The following CTNNA3 variants were observed in gnomAD, a reference collection of about 807,000 sequenced individuals.
The protein encoded by CTNNA3 is catenin alpha-3.
CTNNA3 carries 76 observed loss-of-function variants against 95.7 expected under a neutral mutation model. The observed-to-expected ratio is 0.79, with a 90% confidence interval of 0.66 to 0.96. CTNNA3 has a LOEUF of 0.96. CTNNA3 is among the 40% of genes least tolerant of loss of function. The pLI is 0.00. For synonymous variants in CTNNA3, 431 were observed against 374.4 expected (o/e 1.15, Z -1.74); for missense variants, 1,191 against 1,089.8 (o/e 1.09, Z -1.31).
chr10:66,438,236 A>C (rs927380916), intron 11 of CTNNA3, among the ~76,000 whole-genome samples: 6 of 152,262 alleles, frequency 3.9e-5, no homozygotes, highest in African/African-American at 1.4e-4. Flanking sequence ...GTGCTGGGAG[A>C]TCCACTGCTG....
At chr10:67,595,747 T>A (rs147701349) in intron 3 of CTNNA3, among the ~76,000 whole-genome samples, 1 of 152,200 alleles carries the variant, frequency 6.6e-6, no homozygotes, top group Non-Finnish European at 1.5e-5. Context: ...TCTCCCACTA[T>A]TATAGTGTGG....
chr10:67,080,680 C>T (rs1039567399), intron 7 of CTNNA3, among the ~76,000 whole-genome samples: 10 of 152,108 alleles, frequency 6.6e-5, no homozygotes, highest in Admixed American at 2.0e-4. Context: ...GAGGCTGAGG[C>T]GGGCGGATCA....
intron 9 of CTNNA3, among the ~76,000 whole-genome samples, chr10:66,713,490 A>G (rs774498035): frequency 3.3e-5 from 4 of 120,086 alleles, no homozygotes; most frequent in Non-Finnish European, 7.0e-5. Context: ...AATTAAAGAA[A>G]TTAATGAAAA....
chr10:67,658,453 C>A (rs766095985), intron 1 of CTNNA3, among the ~76,000 whole-genome samples: 3 of 152,120 alleles, frequency 2.0e-5, no homozygotes, highest in Non-Finnish European at 4.4e-5. Flanking sequence ...AATTATTATT[C>A]AAGAGTGCTT....
intron 15 of CTNNA3, among the ~76,000 whole-genome samples, chr10:66,067,730 A>C (rs541045310): frequency 9.2e-5 from 14 of 152,152 alleles, no homozygotes; most frequent in Admixed American, 2.6e-4. Flanking sequence ...AGCCACACCA[A>C]TATGGTGAAA....
chr10:67,181,835 A>AT (rs56779329), intron 6 of CTNNA3, among the ~76,000 whole-genome samples: 138 of 151,958 alleles, frequency 9.1e-4, no homozygotes, highest in Non-Finnish European at 1.4e-3. Context: ...GTTTTAAAAC[A>AT]TTTTTTTTAA....
At chr10:67,132,846 T>C (rs967072961) in intron 7 of CTNNA3, among the ~76,000 whole-genome samples, 1 of 151,330 alleles carries the variant, frequency 6.6e-6, no homozygotes, top group Non-Finnish European at 1.5e-5. Flanking sequence ...TTCCCACTCA[T>C]ATGTGAGAGC....
At chr10:66,575,010 G>T (rs928674221) in intron 10 of CTNNA3, among the ~76,000 whole-genome samples, 2 of 152,212 alleles carry the variant, frequency 1.3e-5, no homozygotes, top group Admixed American at 6.5e-5. Flanking sequence ...AACACATCTT[G>T]ATCTAAGTTG....
At chr10:66,353,953 T>A (rs1473109641) in intron 12 of CTNNA3, among the ~76,000 whole-genome samples, 3 of 151,596 alleles carry the variant, frequency 2.0e-5, no homozygotes, top group Non-Finnish European at 4.4e-5. Context: ...GGAAAAATAA[T>A]CATCCATATG....
At chr10:67,055,049 A>T (rs539991431) in intron 7 of CTNNA3, 75 of 152,288 alleles carry the variant, frequency 4.9e-4, no homozygotes, top group African/African-American at 1.7e-3. Context: ...AGGACATTGC[A>T]GTTTTTATTT....
At chr10:67,605,873 G>A (rs1843255864) in intron 3 of CTNNA3, among the ~76,000 whole-genome samples, 2 of 152,134 alleles carry the variant, frequency 1.3e-5, no homozygotes, top group Non-Finnish European at 2.9e-5. Context: ...GTTTCACCAT[G>A]TTGGCCAGGC....
chr10:66,037,705 CTGCCT>C (rs1564595104), intron 15 of CTNNA3, among the ~76,000 whole-genome samples: 1 of 152,112 alleles, frequency 6.6e-6, no homozygotes, highest in African/African-American at 2.4e-5. Context: ...GTGAAGTATC[CTGCCT>C]TGCCCTTGTG....
intron 7 of CTNNA3, among the ~76,000 whole-genome samples, chr10:66,810,228 G>C (rs1427499883): frequency 6.6e-6 from 1 of 152,140 alleles, no homozygotes; most frequent in African/African-American, 2.4e-5. Flanking sequence ...ATTTTAAGCA[G>C]AGGAGTGAAA....
At chr10:66,537,986 T>C (rs1415260745) in intron 10 of CTNNA3, among the ~76,000 whole-genome samples, 3 of 152,078 alleles carry the variant, frequency 2.0e-5, no homozygotes, top group African/African-American at 7.2e-5. Flanking sequence ...AAAAACACCC[T>C]CCACACCATC....
chr10:65,920,216 T>C lies in CTNNA3; in HGVS notation c.*114A>G, dbSNP rs2077060457. On this transcript the variant is annotated 3_prime_UTR_variant, in exon 18 of 18. Transcript: ENST00000433211. ...ATTTAGCGCCCAATATTTTATGTTA[T>C]TTGTGAGTTAAACACCAAAACTTAG... is the stretch of plus-strand genomic sequence containing the variant. 3 of 886,382 alleles carry C rather than the reference T, an allele frequency of 3.4e-6. No individual in the cohort carries two copies. In the South Asian group the frequency reaches 5.0e-5, roughly 15 times the overall value. The allele number at this position is 886,382 out of a possible 1,614,324, so 54.9% of individuals were successfully genotyped here. A position where few individuals can be genotyped will look rare whatever the true frequency, so the allele number is the denominator to read the frequency against.
chr10:67,486,158 A>T (rs1848440654), intron 5 of CTNNA3, among the ~76,000 whole-genome samples: 1 of 152,180 alleles, frequency 6.6e-6, no homozygotes, highest in African/African-American at 2.4e-5. Flanking sequence ...CACCTGTTTC[A>T]TTTTTGAGAC....
chr10:66,943,591 G>A (rs191193358), intron 7 of CTNNA3, among the ~76,000 whole-genome samples: 2 of 151,426 alleles, frequency 1.3e-5, no homozygotes, highest in East Asian at 1.9e-4. Flanking sequence ...CTCTCACGGC[G>A]AGGTGTTTTG....
intron 1 of CTNNA3, among the ~76,000 whole-genome samples, chr10:67,676,523 G>A (rs1267220772): frequency 6.6e-6 from 1 of 152,146 alleles, no homozygotes; most frequent in Non-Finnish European, 1.5e-5. Flanking sequence ...AGGGAATCCA[G>A]TATCTCTCTT....
intron 9 of CTNNA3, among the ~76,000 whole-genome samples, chr10:66,634,316 C>T (rs556993767): frequency 1.3e-5 from 2 of 152,074 alleles, no homozygotes; most frequent in South Asian, 4.2e-4. Flanking sequence ...ATAATGATTA[C>T]ATAGAAAAAA....
Sources: allele counts gnomAD v4.1 joint callset (sites outside exome capture counted in the v4.1 genomes callset), GRCh38; gene constraint gnomAD v4.1.1; transcripts MANE v1.5; gene names NCBI Gene and HGNC (gene_info 2026-07-23, HGNC 2026-07-21).